The following RTN4 variants were observed in gnomAD, a reference collection of about 807,000 sequenced individuals.
The protein encoded by RTN4 is reticulon 4, also known as reticulon-4.
In RTN4, 32 loss-of-function variants were observed where a neutral mutation model predicts 90.4. The ratio of observed to expected loss-of-function variants is 0.35; its 90% CI spans 0.27 to 0.48. The LOEUF is 0.48. Among genes scored for constraint, RTN4 ranks in the 20% least tolerant of loss-of-function variants. The pLI is 0.99. For missense variants in RTN4, 1,706 were observed against 1,430.2 expected, an observed-to-expected ratio of 1.19 and a Z score of -3.11; for synonymous variants, 629 against 552.5, an observed-to-expected ratio of 1.14 and a Z score of -1.94.
At position 55,108,936 on chromosome 2, in the gene RTN4, T is replaced by C. The variant is rs573197078; in HGVS notation, c.-214+3584A>G. 1.1e-3 allele frequency among the ~76,000 whole-genome samples: 164 copies of C among 152,166 alleles called. 3 individuals are homozygous for C. The highest frequency in any genetic ancestry group is 3.4e-3 in the Middle Eastern group (1 of 294). On this transcript the variant is annotated intron_variant, in intron 1 of 3. Coordinates refer to the RTN4 transcript ENST00000427710. ...TAAACACATCCCTAAGGAAACTCTG[T>C]GCAAAGAGAAGATCAAGGCCAGCAG...
At chr2:55,051,767 G>C (rs888921353), upstream of RTN4, among the ~76,000 whole-genome samples, 1 of 152,160 alleles carries the variant, frequency 6.6e-6, no homozygotes, top group South Asian at 2.1e-4. Flanking sequence ...TAGTACCTCC[G>C]AAATGTAAAA....
chr2:54,976,239 C>T (rs1677622217), intron 5 of RTN4, among the ~76,000 whole-genome samples: 1 of 152,206 alleles, frequency 6.6e-6, no homozygotes, highest in Admixed American at 6.5e-5. Flanking sequence ...ATTACAGTCA[C>T]TGACAAGGCT....
At chr2:55,096,546 T>C (rs1669037931) in intron 1 of RTN4, among the ~76,000 whole-genome samples, 1 of 152,234 alleles carries the variant, frequency 6.6e-6, no homozygotes, top group African/African-American at 2.4e-5. Context: ...GTTCCCAGAC[T>C]GTTCTCAGCA....
chr2:54,978,148 G>C (rs1175453419), intron 5 of RTN4, among the ~76,000 whole-genome samples: 1 of 152,182 alleles, frequency 6.6e-6, no homozygotes, highest in Non-Finnish European at 1.5e-5. Flanking sequence ...CATAATTGTA[G>C]GCTGGGCATG....
At chr2:55,031,108 C>A (rs1426084205) in intron 1 of RTN4, among the ~76,000 whole-genome samples, 1 of 152,118 alleles carries the variant, frequency 6.6e-6, no homozygotes, top group Non-Finnish European at 1.5e-5. Context: ...TACAAAAAAC[C>A]TGCATTTTAA....
intron 5 of RTN4, among the ~76,000 whole-genome samples, chr2:54,978,542 G>A (rs1419057615): frequency 2.6e-5 from 4 of 151,572 alleles, no homozygotes; most frequent in African/African-American, 9.7e-5. Flanking sequence ...AAGACAATGA[G>A]TTATAGAGAT....
intron 1 of RTN4, among the ~76,000 whole-genome samples, chr2:55,081,962 G>C (rs1274679773): frequency 6.6e-6 from 1 of 151,564 alleles, no homozygotes; most frequent in Non-Finnish European, 1.5e-5. Context: ...ATGAAAAAGA[G>C]GCCTTACATA....
intron 2 of RTN4, among the ~76,000 whole-genome samples, chr2:55,060,208 A>G (rs1014538558): frequency 1.3e-5 from 2 of 152,256 alleles, no homozygotes; most frequent in African/African-American, 4.8e-5. Flanking sequence ...TATTTTTATT[A>G]CAAAAAGCTA....
chr2:55,077,264 C>T (rs180680538), intron 2 of RTN4, among the ~76,000 whole-genome samples: 107 of 152,178 alleles, frequency 7.0e-4, no homozygotes, highest in African/African-American at 2.5e-3. Context: ...CCTCCTGCCT[C>T]GGCCTCCCAA....
intron 3 of RTN4, among the ~76,000 whole-genome samples, chr2:54,991,599 G>A (rs1420731667): frequency 6.6e-6 from 1 of 152,146 alleles, no homozygotes; most frequent in Non-Finnish European, 1.5e-5. Context: ...TCAGTACAAA[G>A]ATACACACAT....
chr2:55,038,915 G>C (rs924916027), intron 1 of RTN4, among the ~76,000 whole-genome samples: 1 of 152,224 alleles, frequency 6.6e-6, no homozygotes, highest in African/African-American at 2.4e-5. Context: ...CCACTCAGCA[G>C]TTAAAAGGAA....
chr2:55,041,934 ACAAAT>A (rs1192865177), intron 1 of RTN4, among the ~76,000 whole-genome samples: 1 of 152,042 alleles, frequency 6.6e-6, no homozygotes, highest in Non-Finnish European at 1.5e-5. Flanking sequence ...AATACAAATA[ACAAAT>A]CAATAAAAAG....
the RTN4 span, among the ~76,000 whole-genome samples, chr2:55,129,657 G>A: frequency 6.6e-6 from 1 of 152,048 alleles, no homozygotes; most frequent in East Asian, 1.9e-4. Flanking sequence ...CACCTCCCGG[G>A]CTCAAGCAAT....
chr2:55,104,908 G>A (rs1331219320), intron 1 of RTN4, among the ~76,000 whole-genome samples: 7 of 151,920 alleles, frequency 4.6e-5, no homozygotes, highest in Non-Finnish European at 1.0e-4. Flanking sequence ...TCGGGCTCAA[G>A]CGATCTCCCC....
chr2:55,077,630 G>T (rs924895761), intron 2 of RTN4, among the ~76,000 whole-genome samples: 6 of 151,972 alleles, frequency 3.9e-5, no homozygotes, highest in African/African-American at 1.5e-4. Flanking sequence ...CTACCCAGAG[G>T]AAAAGAAGTC....
chr2:55,052,177 A>C (rs1243437713), upstream of RTN4, among the ~76,000 whole-genome samples: 1 of 152,238 alleles, frequency 6.6e-6, no homozygotes, highest in Non-Finnish European at 1.5e-5. Flanking sequence ...AGGACTATAC[A>C]ACAGAAAGAG....
the RTN4 span, among the ~76,000 whole-genome samples, chr2:55,128,486 T>A: frequency 1.7e-4 from 26 of 152,238 alleles, no homozygotes; most frequent in East Asian, 4.1e-3. Context: ...CACTTGCGCT[T>A]CTCTCCTAAG....
At chr2:55,128,995 C>T in the RTN4 span, among the ~76,000 whole-genome samples, 2 of 151,526 alleles carry the variant, frequency 1.3e-5, no homozygotes, top group Non-Finnish European at 2.9e-5. Context: ...GTAATCCCAG[C>T]TACTCGGGAG....
chr2:55,076,370 C>T (rs181343499), intron 2 of RTN4, among the ~76,000 whole-genome samples: 1 of 150,978 alleles, frequency 6.6e-6, no homozygotes, highest in East Asian at 1.9e-4. Context: ...GCTGTGTCCC[C>T]ACCCAAATTT....
Sources: allele counts gnomAD v4.1 joint callset (sites outside exome capture counted in the v4.1 genomes callset), GRCh38; gene constraint gnomAD v4.1.1; transcripts MANE v1.5; gene names NCBI Gene and HGNC (gene_info 2026-07-23, HGNC 2026-07-21).